Variants in NAALADL2 observed in about 807,000 individuals in gnomAD.
NAALADL2 encodes N-acetylated alpha-linked acidic dipeptidase like 2, also known as inactive N-acetylated-alpha-linked acidic dipeptidase-like protein 2.
A neutral mutation model predicts 87.2 loss-of-function variants in NAALADL2; 76 were observed. The observed-to-expected ratio is 0.87, with a 90% CI of 0.72 to 1.05. NAALADL2 has a LOEUF of 1.05. NAALADL2 is among the 50% of genes least tolerant of loss of function. The probability of loss-of-function intolerance (pLI) is 0.00; values close to 1 mark genes in which losing one functional copy is unlikely to be tolerated. For synonymous variants in NAALADL2, 354 were observed against 331.0 expected (o/e 1.07, Z -0.75); for missense variants, 1,089 against 945.8 (o/e 1.15, Z -1.99).
chr3:175,378,686 A>T (rs2148976436), intron 5 of NAALADL2, among the ~76,000 whole-genome samples: 1 of 152,292 alleles, frequency 6.6e-6, no homozygotes, highest in South Asian at 2.1e-4. Context: ...TTTTAGCTCA[A>T]CACAACTGGA....
intron 2 of NAALADL2, among the ~76,000 whole-genome samples, chr3:175,138,887 A>ATATAT (rs1729546518): frequency 2.1e-5 from 2 of 95,486 alleles, no homozygotes; most frequent in African/African-American, 1.1e-4. Flanking sequence ...AGCCTTTTAA[A>ATATAT]ATATATATAT....
intron 1 of NAALADL2, among the ~76,000 whole-genome samples, chr3:175,088,168 A>G (rs1030274308): frequency 1.3e-5 from 2 of 152,190 alleles, no homozygotes; most frequent in African/African-American, 4.8e-5. Flanking sequence ...GGGTTAAATT[A>G]CCAATTTTAA....
At chr3:175,013,291 ATATATATATATTTTT>A in intron 1 of NAALADL2, among the ~76,000 whole-genome samples, 1 of 84,714 alleles carries the variant, frequency 1.2e-5, no homozygotes, top group African/African-American at 7.2e-5. Flanking sequence ...ATATATATAT[ATATATATATATTTTT>A]TTTTTTTTTT....
intron 2 of NAALADL2, among the ~76,000 whole-genome samples, chr3:175,200,577 C>T (rs562514510): frequency 6.6e-6 from 1 of 152,192 alleles, no homozygotes; most frequent in Non-Finnish European, 1.5e-5. Context: ...GTTACTAGAA[C>T]AACCATCCTC....
At chr3:175,092,685 T>A (rs1720365537) in intron 1 of NAALADL2, among the ~76,000 whole-genome samples, 1 of 151,920 alleles carries the variant, frequency 6.6e-6, no homozygotes, top group African/African-American at 2.4e-5. Flanking sequence ...TTCATTATTA[T>A]TAATCTAAGT....
chr3:175,257,378 T>C (rs1215696399), intron 4 of NAALADL2, among the ~76,000 whole-genome samples: 1 of 151,334 alleles, frequency 6.6e-6, no homozygotes, highest in African/African-American at 2.4e-5. Flanking sequence ...TCTGTTTTTT[T>C]TTTATTATCT....
chr3:174,884,896 G>C (rs1008610464), intron 1 of NAALADL2, among the ~76,000 whole-genome samples: 1 of 152,100 alleles, frequency 6.6e-6, no homozygotes, highest in Non-Finnish European at 1.5e-5. Context: ...AGGAGTGTTG[G>C]GGGTGGCTCC....
chr3:175,304,171 G>T (rs533233980), intron 4 of NAALADL2, among the ~76,000 whole-genome samples: 5 of 152,072 alleles, frequency 3.3e-5, no homozygotes, highest in Non-Finnish European at 7.4e-5. Flanking sequence ...AAAGAGAAAG[G>T]GAAGAGAAAT....
At chr3:174,471,797 T>C (rs535891979) in intron 1 of NAALADL2, among the ~76,000 whole-genome samples, 3 of 152,208 alleles carry the variant, frequency 2.0e-5, no homozygotes, top group African/African-American at 7.2e-5. Context: ...AATATGTAAT[T>C]CTTGGCATAA....
intron 3 of NAALADL2, among the ~76,000 whole-genome samples, chr3:174,806,584 A>G (rs1333955816): frequency 6.6e-6 from 1 of 152,198 alleles, no homozygotes; most frequent in African/African-American, 2.4e-5. Flanking sequence ...TGTTTGGAAA[A>G]TACAGTTACC....
intron 1 of NAALADL2, among the ~76,000 whole-genome samples, chr3:174,971,050 A>G (rs1353091393): frequency 3.9e-4 from 60 of 152,260 alleles, no homozygotes; most frequent in Non-Finnish European, 4.4e-5. Flanking sequence ...TGGTGGTGGC[A>G]AGAGAAAAAT....
At chr3:174,646,269 C>A (rs1723774830) in intron 2 of NAALADL2, among the ~76,000 whole-genome samples, 1 of 152,044 alleles carries the variant, frequency 6.6e-6, no homozygotes, top group Admixed American at 6.6e-5. Context: ...GCTTTGAAAT[C>A]TGTTTTATAA....
chr3:175,490,552 A>ATT (rs1727915786), intron 9 of NAALADL2, among the ~76,000 whole-genome samples: 3 of 129,032 alleles, frequency 2.3e-5, no homozygotes, highest in African/African-American at 9.8e-5. Flanking sequence ...ACGCCTGGCT[A>ATT]GTTTTTTTTT....
At chr3:174,568,945 G>A (rs1196842749) in intron 2 of NAALADL2, among the ~76,000 whole-genome samples, 2 of 150,736 alleles carry the variant, frequency 1.3e-5, no homozygotes, top group African/African-American at 2.4e-5. Flanking sequence ...ATTATACCAC[G>A]TTTCCAGGTT....
intron 10 of NAALADL2, among the ~76,000 whole-genome samples, chr3:175,623,991 T>G (rs1466327855): frequency 6.6e-6 from 1 of 151,818 alleles, no homozygotes; most frequent in Non-Finnish European, 1.5e-5. Flanking sequence ...TCCTTCCTGA[T>G]GTGAAATCAT....
chr3:175,416,588 G>T (rs763749363), intron 5 of NAALADL2, among the ~76,000 whole-genome samples: 1 of 152,086 alleles, frequency 6.6e-6, no homozygotes, highest in Non-Finnish European at 1.5e-5. Flanking sequence ...TAGAAAAAAG[G>T]CCTTTTTTAC....
rs866717679 is a variant in NAALADL2 at position 174,711,986 on chromosome 3, A to C, written c.-114-25655A>C. Among the ~76,000 whole-genome samples the C allele has an allele frequency of 3.9e-5, 6 of 151,968 alleles. No individual in the cohort carries two copies. In the South Asian group the frequency reaches 1.0e-3, roughly 26 times the overall value. On this transcript the variant is annotated intron_variant, in intron 2 of 3. Coordinates refer to the NAALADL2 transcript ENST00000434257. ...GGTTAATTTTTGTGTTTTAGTAGAG[A>C]CGGGGTTTCACAGGCTTGTCTCGAA...
At chr3:174,618,494 G>C (rs1461225796) in intron 2 of NAALADL2, among the ~76,000 whole-genome samples, 1 of 151,596 alleles carries the variant, frequency 6.6e-6, no homozygotes, top group Non-Finnish European at 1.5e-5. Flanking sequence ...AGAAGAAAAG[G>C]CTTTTGGCTT....
intron 2 of NAALADL2, among the ~76,000 whole-genome samples, chr3:175,118,851 A>G (rs1725691366): frequency 1.3e-5 from 2 of 151,710 alleles, no homozygotes; most frequent in African/African-American, 2.4e-5. Flanking sequence ...CTTAGACTCA[A>G]AATTATAGCT....
Sources: gnomAD v4.1 joint callset for allele counts (sites outside exome capture counted in the v4.1 genomes callset) on GRCh38, gnomAD v4.1.1 for gene constraint, MANE v1.5 for transcripts, NCBI Gene and HGNC (gene_info 2026-07-23, HGNC 2026-07-21) for gene names.